The following NRXN2 variants were observed in gnomAD, a reference collection of about 807,000 sequenced individuals.
NRXN2 encodes neurexin 2, also known as neurexin-2-beta.
NRXN2 carries 29 observed loss-of-function variants against 128.8 expected under a neutral mutation model. The ratio of observed to expected loss-of-function variants is 0.23; its 90% CI spans 0.17 to 0.31. The LOEUF is 0.31. Among genes scored for constraint, NRXN2 ranks in the 10% least tolerant of loss-of-function variants. The pLI is 1.00. For missense variants in NRXN2, 1,881 were observed against 2,452.6 expected (o/e 0.77, Z 4.92); for synonymous variants, 1,098 against 1,075.2 (o/e 1.02, Z -0.41).
intron 7 of NRXN2, among the ~76,000 whole-genome samples, chr11:64,674,243 T>A (rs1397087187): frequency 1.3e-5 from 2 of 152,026 alleles, no homozygotes; most frequent in Non-Finnish European, 2.9e-5. Context: ...CAGGCTGGAG[T>A]GCAGAGGCGT....
chr11:64,628,213 G>A (rs1209658774), intron 19 of NRXN2, among the ~76,000 whole-genome samples: 1 of 152,168 alleles, frequency 6.6e-6, no homozygotes, highest in Non-Finnish European at 1.5e-5. Context: ...TTGCTATGAG[G>A]TAGGTATCAT....
intron 19 of NRXN2, among the ~76,000 whole-genome samples, chr11:64,627,998 T>C (rs2043319858): frequency 6.6e-6 from 1 of 152,148 alleles, no homozygotes; most frequent in Non-Finnish European, 1.5e-5. Context: ...GGCAAGGAGA[T>C]TCTGCTTTCC....
At chr11:64,643,426 G>A (rs1429234567) in intron 17 of NRXN2, 5 of 213,204 alleles carry the variant, frequency 2.3e-5, no homozygotes, top group African/African-American at 1.3e-4. Flanking sequence ...AGGGATAGGA[G>A]AGGAGGGGAT....
At chr11:64,704,014 G>A (rs532342891) in intron 2 of NRXN2, among the ~76,000 whole-genome samples, 2 of 152,268 alleles carry the variant, frequency 1.3e-5, no homozygotes, top group African/African-American at 4.8e-5. Flanking sequence ...TTACGTAGGG[G>A]CATCTAGCTT....
Position 64,667,432 on chromosome 11 carries a change from C to A in NRXN2, c.1616G>T (p.Gly539Val). Residue 539 changes from glycine to valine, a missense_variant, in exon 9 of 23, where the codon GGG becomes GTG. Transcript: ENST00000265459. The surrounding 1 kb of genome is among the most constrained non-coding windows in gnomAD (Gnocchi z 5.6). ...AGAGCTGTGGCTGCCAGCTCCACCC[C>A]CAGCCCGCCGGCCCTGGCTGAAGAG... ...LLLFSQGRRA[G>V]GGAGSHSSAQ... The A allele has an allele frequency of 2.5e-6, 4 of 1,614,174 alleles. No individual in the cohort carries two copies. Among genetic ancestry groups the A allele is most frequent in the South Asian group, 1.1e-5 (1 of 91,080 alleles).
chr11:64,636,535 T>G (rs1270111028), intron 17 of NRXN2, among the ~76,000 whole-genome samples: 1 of 152,016 alleles, frequency 6.6e-6, no homozygotes, highest in Non-Finnish European at 1.5e-5. Flanking sequence ...AGAACATAAA[T>G]GGAGCAGATG....
chr11:64,635,391 A>C lies in NRXN2; in HGVS notation c.3465T>G (p.Asn1155Lys), dbSNP rs779011613. Residue 1155 changes from asparagine to lysine, a missense_variant, in exon 18 of 23, where the codon AAT becomes AAG. Asn to Lys is a moderately conservative substitution (Grantham distance 94). Coordinates refer to ENST00000265459, the MANE Select transcript of NRXN2 (RefSeq NM_015080.4). The surrounding 1 kb of genome is among the most constrained non-coding windows in gnomAD (Gnocchi z 4.8). The part of the protein sequence containing the change: ...GALITYTWPP[N>K]DRPSTRMDRL... ...GATCCATCCTCGTGCTGGGCCTGTC[A>C]TTGGGGGGCCACGTGTAGGTGATGA... 3.1e-6 allele frequency: 5 copies of C among 1,613,716 alleles called. No individual in the cohort carries two copies. The highest frequency in any genetic ancestry group is 4.2e-6 in the Non-Finnish European group (5 of 1,180,014).
intron 22 of NRXN2, among the ~76,000 whole-genome samples, chr11:64,614,451 A>G (rs1392675281): frequency 1.3e-5 from 2 of 150,726 alleles, no homozygotes; most frequent in South Asian, 2.1e-4. Flanking sequence ...AGCACCCCCA[A>G]GGAGGACATT....
chr11:64,650,325 A>G, intron 15 of NRXN2, 123 bp downstream of exon 15: 1 of 979,686 alleles, frequency 1.0e-6, no homozygotes, highest in Non-Finnish European at 1.6e-6. Flanking sequence ...GGAGACAGGG[A>G]AAGAGAGGTG....
At chr11:64,615,930 A>G (rs750851194) in intron 22 of NRXN2, among the ~76,000 whole-genome samples, 1 of 151,982 alleles carries the variant, frequency 6.6e-6, no homozygotes, top group Non-Finnish European at 1.5e-5. Flanking sequence ...ATATGTGTGT[A>G]CATATGTATT....
rs896102576 is a variant in NRXN2, at chr11:64,622,475, A to G, written c.4173+278T>C. Among the ~76,000 whole-genome samples, 2 of 152,316 alleles carry G rather than the reference A, an allele frequency of 1.3e-5. No individual in the cohort carries two copies. Among genetic ancestry groups the G allele is most frequent in the Admixed American group, 1.3e-4 (2 of 15,306 alleles). On this transcript the variant is annotated intron_variant, in intron 21 of 22. Coordinates refer to ENST00000265459, the MANE Select transcript of NRXN2 (RefSeq NM_015080.4). The surrounding 1 kb of genome is among the most constrained non-coding windows in gnomAD (Gnocchi z 4.3). ...CTTAGGTAGGGTGGTCTTCTCTCAT[A>G]TAACTGGGCCATCAAACTCCTCCCC...
chr11:64,653,780 T>G (rs1410114090), intron 11 of NRXN2, 58 bp from the exon 12 acceptor site: 10 of 1,297,986 alleles, frequency 7.7e-6, no homozygotes, highest in Non-Finnish European at 1.1e-5. Flanking sequence ...AAAACAAGTT[T>G]TTTTTTTTTT....
Position 64,660,362 on chromosome 11 carries a change from C to T in NRXN2, c.2359G>A (p.Gly787Arg), listed in dbSNP as rs1181965224. ...TTGACAGTGAGCTTCATCTGCCCCC[C>T]ATCCAGCTCCAGGCGTAGGGTGTCG... The part of the protein sequence containing the change: ...SADTLRLELD[G>R]GQMKLTVNLD... Residue 787 changes from glycine (G) to arginine (R), a missense_variant, in exon 11 of 23, where the codon GGG becomes AGG. Physicochemically the swap from Gly to Arg is moderately radical, Grantham distance 125. This residue lies in a region of NRXN2 where 997 missense variants were observed against 1,240.8 expected (regional missense o/e 0.80). Coordinates refer to ENST00000265459, the MANE Select transcript of NRXN2 (RefSeq NM_015080.4). The surrounding 1 kb of genome is among the most constrained non-coding windows in gnomAD (Gnocchi z 5.2). 6 of 1,614,032 alleles carry T rather than the reference C, an allele frequency of 3.7e-6. No individual in the cohort carries two copies. Among genetic ancestry groups the T allele is most frequent in the South Asian group, 3.3e-5 (3 of 91,082 alleles).
chr11:64,673,513 G>A (rs1238014155), intron 7 of NRXN2, among the ~76,000 whole-genome samples: 4 of 152,196 alleles, frequency 2.6e-5, no homozygotes, highest in African/African-American at 9.6e-5. Context: ...TGAAAGAGCT[G>A]ATTCCTAGTA....
intron 5 of NRXN2, chr11:64,688,431 G>A (rs2053371927): frequency 1.0e-6 from 1 of 985,344 alleles, no homozygotes; most frequent in Non-Finnish European, 1.2e-6. Flanking sequence ...AGGAGAGAGA[G>A]AGAGAACCTG....
At position 64,635,981 on chromosome 11, in the gene NRXN2, A is replaced by T. The variant is rs1330867928; in HGVS notation, c.3404-529T>A. On this transcript the variant is annotated intron_variant, in intron 17 of 22. Transcript: ENST00000265459. This position sits in a 1 kb window ranked among gnomAD's most constrained non-coding sequence, Gnocchi z 4.8. ...GAGCTGGCGCCCTCCAACATCTCCCATCCCAACCCCTCTCCTGGCTTGCCC... is the reference window on the plus strand; with the variant it reads ...GAGCTGGCGCCCTCCAACATCTCCCTTCCCAACCCCTCTCCTGGCTTGCCC... Among the ~76,000 whole-genome samples the T allele has an allele frequency of 6.6e-6, 1 of 151,794 alleles. No homozygotes were observed. The highest frequency in any genetic ancestry group is 1.9e-4 in the East Asian group (1 of 5,132).
At position 64,667,394 on chromosome 11, in the gene NRXN2, C is replaced by T. The variant is rs2050022911; in HGVS notation, c.1654G>A (p.Asp552Asn). Residue 552 changes from aspartate to asparagine, a missense_variant, in exon 9 of 23, where the codon GAC becomes AAC. Transcript: ENST00000265459. This position sits in a 1 kb window ranked among gnomAD's most constrained non-coding sequence, Gnocchi z 5.6. The part of the protein sequence containing the change: ...AGSHSSAQRA[D>N]YFAMELLDGH... ...TCCAATAGCTCCATGGCAAAGTAGT[C>T]GGCCCGCTGAGCAGAGCTGTGGCTG... The T allele has an allele frequency of 6.2e-7, 1 of 1,614,104 alleles. No homozygotes were observed. Among genetic ancestry groups the T allele is most frequent in the African/African-American group, 1.3e-5 (1 of 74,932 alleles).
chr11:64,632,010 G>A lies in NRXN2; in HGVS notation c.3586-1437C>T, dbSNP rs529082714. Among the ~76,000 whole-genome samples the A allele has an allele frequency of 4.6e-5, 7 of 152,324 alleles. No homozygotes were observed. Among genetic ancestry groups the A allele is most frequent in the South Asian group, 2.1e-4 (1 of 4,822 alleles). Reference sequence around the variant, plus strand: ...ACTCCTGGGGTCTTCTTGAAAGACTGCCCCAGTCTGGCCTGGACATGTGGA... The same window carrying A: ...ACTCCTGGGGTCTTCTTGAAAGACTACCCCAGTCTGGCCTGGACATGTGGA... On this transcript the variant is annotated intron_variant, in intron 18 of 22. Coordinates refer to ENST00000265459, the MANE Select transcript of NRXN2 (RefSeq NM_015080.4). The surrounding 1 kb of genome is among the most constrained non-coding windows in gnomAD (Gnocchi z 4.2).
At chr11:64,702,671 C>A (rs2055650889) in intron 2 of NRXN2, among the ~76,000 whole-genome samples, 1 of 151,266 alleles carries the variant, frequency 6.6e-6, no homozygotes. Context: ...TGCGGAAGGC[C>A]GCAGGGTCCT....
Sources: gnomAD v4.1 joint callset for allele counts (sites outside exome capture counted in the v4.1 genomes callset) on GRCh38, gnomAD v4.1.1 for gene constraint, gnomAD v4.1.1 regional missense constraint, Gnocchi (gnomAD v3.1) non-coding constraint, MANE v1.5 for transcripts, NCBI Gene and HGNC (gene_info 2026-07-23, HGNC 2026-07-21) for gene names.